ESRRG: variants seen among roughly 807,000 people sequenced by gnomAD.
The protein encoded by ESRRG is estrogen related receptor gamma, also known as estrogen-related receptor gamma.
ESRRG carries 13 observed loss-of-function variants against 44.0 expected under a neutral mutation model. The observed-to-expected ratio is 0.30, with a 90% confidence interval of 0.19 to 0.47. The LOEUF is 0.47. Among genes scored for constraint, ESRRG ranks in the 20% least tolerant of loss-of-function variants. ESRRG has a pLI of 1.00. For synonymous variants in ESRRG, 215 were observed against 214.6 expected (o/e 1.00, Z -0.02); for missense variants, 395 against 580.6 (o/e 0.68, Z 3.29).
At chr1:216,728,009 G>C (rs970287903), upstream of ESRRG, among the ~76,000 whole-genome samples, 1 of 152,078 alleles carries the variant, frequency 6.6e-6, no homozygotes, top group African/African-American at 2.4e-5. Flanking sequence ...TAATACACAT[G>C]GTGAAATGTC....
At chr1:216,971,721 A>G (rs893190608) in intron 1 of ESRRG, among the ~76,000 whole-genome samples, 2 of 152,224 alleles carry the variant, frequency 1.3e-5, no homozygotes, top group Non-Finnish European at 2.9e-5. Flanking sequence ...CTGAAAACGA[A>G]CAATGAGACT....
rs371530211 is a variant in ESRRG, at chr1:216,571,817, T to C, written c.590-3719A>G. ...TCTTTTATTTGTAATTTTATTTATA[T>C]GATAGTAGAAAAATGATTAGTTATT... is the stretch of plus-strand genomic sequence containing the variant. On this transcript the variant is annotated intron_variant, in intron 3 of 6. Coordinates refer to ENST00000408911, the MANE Select transcript of ESRRG (RefSeq NM_001438.4). 1.1e-3 allele frequency among the ~76,000 whole-genome samples: 171 copies of C among 152,328 alleles called. 2 individuals are homozygous for C. Among genetic ancestry groups the C allele is most frequent in the Middle Eastern group, 0.01 (3 of 294 alleles).
chr1:216,986,584 T>G (rs1349261262), intron 1 of ESRRG, among the ~76,000 whole-genome samples: 1 of 151,670 alleles, frequency 6.6e-6, no homozygotes, highest in African/African-American at 2.4e-5. Flanking sequence ...AAAATCAGCC[T>G]GGAGTGGCGG....
At chr1:216,834,253 T>C (rs1281022724) in intron 2 of ESRRG, among the ~76,000 whole-genome samples, 1 of 151,810 alleles carries the variant, frequency 6.6e-6, no homozygotes, top group Non-Finnish European at 1.5e-5. Flanking sequence ...ATAAAAACAT[T>C]AGCCAAATAC....
At chr1:216,720,007 G>A (rs936365007) in intron 1 of ESRRG, among the ~76,000 whole-genome samples, 15 of 151,948 alleles carry the variant, frequency 9.9e-5, no homozygotes, top group African/African-American at 3.6e-4. Flanking sequence ...TGACACAAAG[G>A]GCTAGTGGAA....
chr1:216,767,047 T>A (rs963250091), intron 2 of ESRRG, among the ~76,000 whole-genome samples: 6 of 152,058 alleles, frequency 3.9e-5, no homozygotes, highest in African/African-American at 1.4e-4. Flanking sequence ...ATAATCCAAC[T>A]CCCTGTTCTA....
At chr1:216,711,740 T>C (rs1315644314) in intron 1 of ESRRG, among the ~76,000 whole-genome samples, 1 of 152,198 alleles carries the variant, frequency 6.6e-6, no homozygotes. Context: ...AAAAATGATA[T>C]TATAATATAC....
rs753016428 is a variant in ESRRG, at chr1:216,507,162, A to G, written c.1154T>C (p.Val385Ala). 1.9e-6 allele frequency: 3 copies of G among 1,611,904 alleles called. No individual in the cohort carries two copies. Among genetic ancestry groups the G allele is most frequent in the East Asian group, 2.2e-5 (1 of 44,872 alleles). The stretch of plus-strand genomic sequence containing the variant: ...ATCCTGAAGCTTCTGAACGGCTTCA[A>G]CATCTTCTATGTGCATGGAGTCTGT... ...ANSDSMHIEDVEAVQKLQDVL... is the reference protein window; with the variant it reads ...ANSDSMHIEDAEAVQKLQDVL... Residue 385 changes from valine to alanine, a missense_variant, in exon 7 of 7, where the codon GTT becomes GCT. Val to Ala is a moderately conservative substitution (Grantham distance 64). Around this residue, in one of 5 missense-constraint regions of ESRRG, gnomAD observed 167 missense variants for 251.8 expected, o/e 0.66. Coordinates refer to ENST00000408911, the MANE Select transcript of ESRRG (RefSeq NM_001438.4).
chr1:216,854,656 T>A (rs373615658), intron 2 of ESRRG, among the ~76,000 whole-genome samples: 7 of 152,248 alleles, frequency 4.6e-5, no homozygotes, highest in African/African-American at 1.7e-4. Context: ...GCGCCTGAGG[T>A]AACTACTTAT....
At chr1:216,818,501 G>T (rs1172897598) in intron 2 of ESRRG, among the ~76,000 whole-genome samples, 1 of 152,156 alleles carries the variant, frequency 6.6e-6, no homozygotes, top group Non-Finnish European at 1.5e-5. Flanking sequence ...CAGATGCCCT[G>T]TTCAACAAGA....
At chr1:216,616,994 T>C (rs1405323384) in intron 3 of ESRRG, among the ~76,000 whole-genome samples, 3 of 152,180 alleles carry the variant, frequency 2.0e-5, no homozygotes, top group Non-Finnish European at 4.4e-5. Flanking sequence ...TCAGTGTATG[T>C]AGAGATCTTT....
chr1:216,881,208 C>T (rs921118899), intron 2 of ESRRG, among the ~76,000 whole-genome samples: 24 of 151,824 alleles, frequency 1.6e-4, no homozygotes, highest in Admixed American at 2.6e-4. Context: ...CAACATATTC[C>T]ATAATTTCCT....
chr1:216,618,636 G>C (rs1047665604), intron 3 of ESRRG, among the ~76,000 whole-genome samples: 5 of 152,208 alleles, frequency 3.3e-5, no homozygotes, highest in Admixed American at 3.3e-4. Flanking sequence ...TTGATATTTA[G>C]CATCTTAGTT....
intron 1 of ESRRG, among the ~76,000 whole-genome samples, chr1:217,112,594 C>T (rs1451029047): frequency 6.6e-6 from 1 of 152,128 alleles, no homozygotes; most frequent in Non-Finnish European, 1.5e-5. Context: ...ATAATAAATT[C>T]AGGAAGAGAG....
At chr1:216,870,762 A>T (rs970059238) in intron 2 of ESRRG, among the ~76,000 whole-genome samples, 33 of 152,022 alleles carry the variant, frequency 2.2e-4, no homozygotes, top group African/African-American at 8.0e-4. Flanking sequence ...CTACATTGCC[A>T]AATTCCTTTA....
intron 2 of ESRRG, among the ~76,000 whole-genome samples, chr1:216,735,987 A>AATATATATAT (rs1553555387): frequency 2.9e-5 from 4 of 137,092 alleles, no homozygotes; most frequent in African/African-American, 1.1e-4. Context: ...CTCAAAAAAA[A>AATATATATAT]ATATATATAT....
chr1:216,987,955 T>C lies in ESRRG; in HGVS notation c.-105-48282A>G, dbSNP rs537434234. 3.9e-5 allele frequency among the ~76,000 whole-genome samples: 6 copies of C among 152,302 alleles called. No individual in the cohort carries two copies. In the East Asian group the frequency reaches 1.2e-3, roughly 29 times the overall value. On this transcript the variant is annotated intron_variant, in intron 1 of 7. Transcript: ENST00000359162. The stretch of plus-strand genomic sequence containing the variant: ...ACTTCCCAGAGTTTCCCAGCAAGAC[T>C]GAACTCCAGTTATCCACAGTGGTAA...
At chr1:216,795,103 C>T (rs1358095435) in intron 2 of ESRRG, among the ~76,000 whole-genome samples, 2 of 152,066 alleles carry the variant, frequency 1.3e-5, no homozygotes, top group African/African-American at 2.4e-5. Context: ...AGAAAACAAG[C>T]TTTGATTCTT....
chr1:217,133,937 A>G (rs915999240), intron 1 of ESRRG, among the ~76,000 whole-genome samples: 10 of 152,074 alleles, frequency 6.6e-5, no homozygotes, highest in Admixed American at 5.2e-4. Context: ...GTTTCTGCCT[A>G]TGAAGATGTA....
Sources: gnomAD v4.1 joint callset for allele counts (sites outside exome capture counted in the v4.1 genomes callset) on GRCh38, gnomAD v4.1.1 for gene constraint, gnomAD v4.1.1 regional missense constraint, MANE v1.5 for transcripts, NCBI Gene and HGNC (gene_info 2026-07-23, HGNC 2026-07-21) for gene names.